Variants in CDH23 observed in about 807,000 individuals in gnomAD.
CDH23 encodes the protein cadherin related 23, also known as cadherin-23.
A neutral mutation model predicts 317.1 loss-of-function variants in CDH23; 189 were observed. That is an observed-to-expected ratio of 0.60 (90% CI 0.53 to 0.67). The LOEUF (loss-of-function observed/expected upper bound fraction) is 0.67. Among genes scored for constraint, CDH23 ranks in the 30% least tolerant of loss-of-function variants. The pLI is 0.00. For synonymous variants in CDH23, 1,839 were observed against 1,876.8 expected (o/e 0.98, Z 0.52); for missense variants, 4,401 against 4,592.4 (o/e 0.96, Z 1.20).
chr10:71,605,991 T>C (rs528996962), intron 9 of CDH23, among the ~76,000 whole-genome samples: 100 of 152,342 alleles, frequency 6.6e-4, no homozygotes, highest in African/African-American at 2.1e-3. Flanking sequence ...AGGGGCCGCC[T>C]CTCTGAGGCT....
chr10:71,746,875 C>CA (rs1286528216), intron 38 of CDH23, among the ~76,000 whole-genome samples: 1 of 152,238 alleles, frequency 6.6e-6, no homozygotes, highest in Non-Finnish European at 1.5e-5. Context: ...AAGTCCCCAG[C>CA]AGCGGCCCCG....
At chr10:71,589,331 G>C (rs1859303303) in intron 9 of CDH23, among the ~76,000 whole-genome samples, 2 of 152,266 alleles carry the variant, frequency 1.3e-5, no homozygotes, top group Middle Eastern at 6.8e-3. Context: ...TATTGGCCAG[G>C]CTGGTTTTGA....
Position 71,493,737 on chromosome 10 carries a change from AG to A in CDH23, c.146-16344del, listed in dbSNP as rs1289172586. Among the ~76,000 whole-genome samples the A allele has an allele frequency of 4.6e-5, 7 of 152,334 alleles. No homozygotes were observed. The East Asian group carries it at 1.4e-3, about 29-fold the overall frequency. On this transcript the variant is annotated intron_variant, in intron 3 of 69. Transcript: ENST00000224721. ...TTTTTTTTCTAATGCAATGTTCCCT[AG>A]ATCTTTTGGACCAAGGAACGTTTTT...
chr10:71,785,484 G>T (rs772227090), intron 43 of CDH23, 147 bp from the exon 44 acceptor site: 1 of 635,616 alleles, frequency 1.6e-6, no homozygotes, highest in Non-Finnish European at 2.8e-6. Flanking sequence ...CTCTCGCCCC[G>T]GCGAGACCCT....
At chr10:71,812,310 C>G (rs1414070541) in intron 66 of CDH23, 170 bp from the exon 67 acceptor site, 1 of 1,598,590 alleles carries the variant, frequency 6.3e-7, no homozygotes, top group Non-Finnish European at 8.5e-7. Flanking sequence ...CTGGTTCCAG[C>G]AGGATCCTAT....
chr10:71,588,650 A>C (rs1399038953), intron 9 of CDH23, among the ~76,000 whole-genome samples: 2 of 152,130 alleles, frequency 1.3e-5, no homozygotes, highest in East Asian at 1.9e-4. Context: ...GCCTTCCTCC[A>C]TGTCTGTATA....
At chr10:71,585,116 G>A (rs191525322) in intron 9 of CDH23, among the ~76,000 whole-genome samples, 12 of 152,284 alleles carry the variant, frequency 7.9e-5, no homozygotes, top group East Asian at 7.7e-4. Context: ...TGTCCTTGCC[G>A]CGGGGAGGTC....
intron 45 of CDH23, among the ~76,000 whole-genome samples, chr10:71,789,313 A>G (rs541225275): frequency 6.6e-6 from 1 of 152,282 alleles, no homozygotes; most frequent in African/African-American, 2.4e-5. Context: ...TCCCTCAAGA[A>G]GGGCATGTAA....
chr10:71,710,461 A>G lies in CDH23; in HGVS notation c.3220+1250A>G, dbSNP rs566814293. 3.3e-3 allele frequency among the ~76,000 whole-genome samples: 510 copies of G among 152,268 alleles called. 2 individuals are homozygous for G. Among genetic ancestry groups the G allele is most frequent in the Non-Finnish European group, 5.4e-3 (368 of 67,986 alleles). On this transcript the variant is annotated intron_variant, in intron 27 of 69. Coordinates refer to ENST00000224721, the MANE Select transcript of CDH23 (RefSeq NM_022124.6). ...AGCCTCACCCCCCACCCCAACCTCC[A>G]GGAAGACAGTGCCTAGTGGCCAGCA...
chr10:71,783,216 C>T (rs1283334643), intron 41 of CDH23, among the ~76,000 whole-genome samples: 2 of 152,184 alleles, frequency 1.3e-5, no homozygotes, highest in African/African-American at 4.8e-5. Flanking sequence ...AGCTCACATC[C>T]CCTCAACTTT....
chr10:71,677,417 C>A, intron 15 of CDH23, 39 bp from the exon 16 acceptor site: 1 of 1,523,788 alleles, frequency 6.6e-7, no homozygotes, highest in East Asian at 2.4e-5. Flanking sequence ...TGTTTTAAAC[C>A]ACGGTGTTCC....
intron 14 of CDH23, among the ~76,000 whole-genome samples, chr10:71,673,314 C>T (rs1864223987): frequency 6.6e-6 from 1 of 152,330 alleles, no homozygotes; most frequent in African/African-American, 2.4e-5. Context: ...GGAACTGAGG[C>T]CTCCACACCA....
At chr10:71,407,858 T>C (rs1026667383) in intron 1 of CDH23, among the ~76,000 whole-genome samples, 4 of 152,210 alleles carry the variant, frequency 2.6e-5, no homozygotes, top group Admixed American at 1.3e-4. Context: ...AGTGCTTTAA[T>C]TCTCTGAGCC....
intron 6 of CDH23, among the ~76,000 whole-genome samples, chr10:71,548,170 G>C (rs990743250): frequency 4.6e-5 from 7 of 152,236 alleles, no homozygotes; most frequent in African/African-American, 1.7e-4. Context: ...GGAGCCCAGG[G>C]GACAGGGCCA....
chr10:71,596,803 G>A (rs1348532236), intron 9 of CDH23, among the ~76,000 whole-genome samples: 2 of 152,144 alleles, frequency 1.3e-5, no homozygotes, highest in African/African-American at 2.4e-5. Flanking sequence ...GGGGGAGCAC[G>A]TAGGATCTTA....
At position 71,732,254 on chromosome 10, in the gene CDH23, T is replaced by C. The variant is rs370383552; in HGVS notation, c.3983T>C (p.Leu1328Pro). ...YEAAILENLA[L>P]GTEIVRVQAY... The stretch of plus-strand genomic sequence containing the variant: ...GCTGCCATCCTGGAGAATCTGGCAC[T>C]GGGTACTGAGATTGTGCGGGTCCAG... The change falls in exon 32 of 70, where the codon CTG becomes CCG. Residue 1328 changes from leucine to proline, a missense_variant. Leu to Pro is a moderately conservative substitution (Grantham distance 98). This residue lies in a region of CDH23 where 3,068 missense variants were observed against 3,203.3 expected (regional missense o/e 0.96). Transcript: ENST00000224721. The C allele has an allele frequency of 5.0e-6, 8 of 1,613,796 alleles. No individual in the cohort carries two copies. Among genetic ancestry groups the C allele is most frequent in the South Asian group, 3.3e-5 (3 of 91,048 alleles).
intron 9 of CDH23, among the ~76,000 whole-genome samples, chr10:71,579,398 T>A (rs939314282): frequency 2.0e-5 from 3 of 152,068 alleles, no homozygotes; most frequent in Admixed American, 6.6e-5. Context: ...CCTCCCCCAT[T>A]TCATTATTCT....
intron 17 of CDH23, among the ~76,000 whole-genome samples, chr10:71,681,184 C>T (rs1228652): frequency 0.23 from 35,582 of 151,790 alleles, 5,080 homozygotes; most frequent in South Asian, 0.31. Flanking sequence ...ATACCTCACC[C>T]TCCTCTCAAC....
Position 71,815,044 on chromosome 10 carries a change from G to A in CDH23, c.9831G>A (p.Lys3277=), listed in dbSNP as rs1842084624. The change falls in exon 70 of 70, where the codon AAG becomes AAA. Residue 3277 remains lysine, a synonymous_variant. Coordinates refer to ENST00000224721, the MANE Select transcript of CDH23 (RefSeq NM_022124.6). The stretch of plus-strand genomic sequence containing the variant: ...GCCACAAGCCACCAGTGGAGCTCAA[G>A]GGGCCCGATGGGATCCATGTGGTGC... ...RFRHKPPVEL[K]GPDGIHVVHG... is the part of the protein sequence containing the mutation. 3 of 1,612,410 alleles carry A rather than the reference G, an allele frequency of 1.9e-6. No individual in the cohort carries two copies. Among genetic ancestry groups the A allele is most frequent in the African/African-American group, 2.7e-5 (2 of 74,944 alleles).
Sources: allele counts gnomAD v4.1 joint callset (sites outside exome capture counted in the v4.1 genomes callset), GRCh38; gene constraint gnomAD v4.1.1; regional missense constraint gnomAD v4.1.1; transcripts MANE v1.5; gene names NCBI Gene and HGNC (gene_info 2026-07-23, HGNC 2026-07-21).